Variants in KIF16B observed in about 807,000 individuals in gnomAD.
The protein encoded by KIF16B is kinesin family member 16B.
In KIF16B, 98 loss-of-function variants were observed where a neutral mutation model predicts 156.3. The observed-to-expected ratio is 0.63, with a 90% CI of 0.53 to 0.74. The LOEUF (loss-of-function observed/expected upper bound fraction) is 0.74, where lower values mean the gene tolerates loss of function less well. Among genes scored for constraint, KIF16B ranks in the 30% least tolerant of loss-of-function variants. KIF16B has a pLI of 0.00. For missense variants in KIF16B, 1,421 were observed against 1,606.5 expected, an observed-to-expected ratio of 0.88 and a Z score of 1.97; for synonymous variants, 564 against 583.7, an observed-to-expected ratio of 0.97 and a Z score of 0.49.
chr20:16,551,134 T>TCTTC (rs1555800509), intron 1 of KIF16B, among the ~76,000 whole-genome samples: 1 of 123,610 alleles, frequency 8.1e-6, no homozygotes, highest in African/African-American at 3.0e-5. Flanking sequence ...TTTCTCTTCT[T>TCTTC]TTTTTTTTTT....
chr20:16,409,965 A>G (rs529934503), intron 15 of KIF16B, among the ~76,000 whole-genome samples: 604 of 30,532 alleles, frequency 0.02, 77 homozygotes, highest in South Asian at 0.063. Context: ...ATATATATAT[A>G]TATACATATA....
At position 16,481,128 on chromosome 20, in the gene KIF16B, G is replaced by A. The variant is rs117508629; in HGVS notation, c.1302+13163C>T. ...TCACTCCTATTCATTCTCCTTTCAC[G>A]TGTCTGCGGTAGGCTGAGAAAACTG... On this transcript the variant is annotated intron_variant, in intron 12 of 25. Coordinates refer to ENST00000354981, the MANE Select transcript of KIF16B (RefSeq NM_024704.5). Among the ~76,000 whole-genome samples the A allele has an allele frequency of 5.0e-3, 763 of 152,254 alleles. 4 individuals carry two copies. Among genetic ancestry groups the A allele is most frequent in the Non-Finnish European group, 7.8e-3 (530 of 68,022 alleles).
chr20:16,511,156 C>T (rs2068943532), intron 6 of KIF16B, among the ~76,000 whole-genome samples: 1 of 152,146 alleles, frequency 6.6e-6, no homozygotes, highest in Admixed American at 6.5e-5. Context: ...CCTTGCCTTA[C>T]ATTTGGAAAA....
At chr20:16,502,725 C>T (rs1326932561) in intron 10 of KIF16B, among the ~76,000 whole-genome samples, 1 of 152,138 alleles carries the variant, frequency 6.6e-6, no homozygotes, top group Non-Finnish European at 1.5e-5. Flanking sequence ...ATATAAGATT[C>T]CTTCCAATGA....
intron 19 of KIF16B, among the ~76,000 whole-genome samples, chr20:16,378,544 T>C (rs2065006441): frequency 1.3e-5 from 2 of 152,146 alleles, no homozygotes; most frequent in Non-Finnish European, 2.9e-5. Context: ...AGTGGGATAA[T>C]GTACATGGGC....
chr20:16,566,006 A>G (rs2071240848), intron 1 of KIF16B, among the ~76,000 whole-genome samples: 1 of 152,268 alleles, frequency 6.6e-6, no homozygotes, highest in African/African-American at 2.4e-5. Flanking sequence ...GTGCAAACGC[A>G]CCAAAAGTTT....
chr20:16,364,990 CTT>C (rs1225180462), intron 22 of KIF16B, among the ~76,000 whole-genome samples: 3 of 152,192 alleles, frequency 2.0e-5, no homozygotes. Flanking sequence ...ATTTAACACT[CTT>C]TGTTAAAATT....
chr20:16,320,055 G>T (rs2063751982), intron 24 of KIF16B, among the ~76,000 whole-genome samples: 1 of 152,016 alleles, frequency 6.6e-6, no homozygotes, highest in South Asian at 2.1e-4. Flanking sequence ...TCACATCATG[G>T]GGCTGCTGTG....
intron 6 of KIF16B, 95 bp from the exon 7 acceptor site, chr20:16,508,195 A>C: frequency 7.2e-7 from 1 of 1,387,704 alleles, no homozygotes; most frequent in Non-Finnish European, 1.0e-6. Flanking sequence ...CAACTCCAAA[A>C]TCTGCTGACC....
chr20:16,329,142 G>A (rs1187668043), intron 24 of KIF16B, among the ~76,000 whole-genome samples: 1 of 152,118 alleles, frequency 6.6e-6, no homozygotes, highest in Non-Finnish European at 1.5e-5. Flanking sequence ...TAAAATACCA[G>A]ACCAGTCATC....
At chr20:16,467,764 T>A (rs2067536027) in intron 12 of KIF16B, among the ~76,000 whole-genome samples, 1 of 151,306 alleles carries the variant, frequency 6.6e-6, no homozygotes, top group East Asian at 1.9e-4. Context: ...CCTGTGGAAC[T>A]GTCCTTCAGA....
At chr20:16,473,305 A>T (rs192452789) in intron 12 of KIF16B, among the ~76,000 whole-genome samples, 3 of 152,260 alleles carry the variant, frequency 2.0e-5, no homozygotes, top group African/African-American at 7.2e-5. Context: ...AATTTTGCTT[A>T]ATGTGATGTT....
intron 17 of KIF16B, among the ~76,000 whole-genome samples, chr20:16,383,382 C>T (rs777916748): frequency 2.0e-5 from 3 of 152,166 alleles, no homozygotes; most frequent in African/African-American, 7.2e-5. Flanking sequence ...CGTCTATTAA[C>T]TCAGTTTATG....
At chr20:16,324,362 T>C (rs1475829589) in intron 24 of KIF16B, among the ~76,000 whole-genome samples, 1 of 151,964 alleles carries the variant, frequency 6.6e-6, no homozygotes, top group Non-Finnish European at 1.5e-5. Context: ...CCTTGCCCCA[T>C]GTCCTAAATC....
intron 12 of KIF16B, among the ~76,000 whole-genome samples, chr20:16,469,033 G>C (rs146370465): frequency 6.6e-6 from 1 of 151,994 alleles, no homozygotes; most frequent in Non-Finnish European, 1.5e-5. Context: ...TGTGAGAATC[G>C]CCTGAGGCTA....
intron 12 of KIF16B, among the ~76,000 whole-genome samples, chr20:16,469,605 A>C (rs1226138957): frequency 1.3e-5 from 2 of 152,222 alleles, no homozygotes; most frequent in East Asian, 1.9e-4. Flanking sequence ...TAAGCAGAAA[A>C]AAATAAATAC....
chr20:16,479,209 C>T (rs1405776460), intron 12 of KIF16B, among the ~76,000 whole-genome samples: 1 of 152,108 alleles, frequency 6.6e-6, no homozygotes, highest in Admixed American at 6.6e-5. Flanking sequence ...TTTGCAGGGA[C>T]ATGGATGGAG....
chr20:16,320,283 C>A (rs1260828406), intron 24 of KIF16B, among the ~76,000 whole-genome samples: 1 of 152,050 alleles, frequency 6.6e-6, no homozygotes, highest in Non-Finnish European at 1.5e-5. Flanking sequence ...ATTCCTTTTA[C>A]CCAATATATA....
chr20:16,492,973 A>G (rs1454021826), intron 12 of KIF16B, among the ~76,000 whole-genome samples: 1 of 152,130 alleles, frequency 6.6e-6, no homozygotes, highest in Non-Finnish European at 1.5e-5. Context: ...AACAACAACA[A>G]AGTCACATAT....
Sources: allele counts gnomAD v4.1 joint callset (sites outside exome capture counted in the v4.1 genomes callset), GRCh38; gene constraint gnomAD v4.1.1; transcripts MANE v1.5; gene names NCBI Gene and HGNC (gene_info 2026-07-23, HGNC 2026-07-21).